The following ZFAND4 variants were observed in gnomAD, a reference collection of about 807,000 sequenced individuals.
ZFAND4 encodes the protein zinc finger AN1-type containing 4.
In ZFAND4, 43 loss-of-function variants were observed where a neutral mutation model predicts 64.4. The ratio of observed to expected loss-of-function variants is 0.67; its 90% CI spans 0.52 to 0.86. The LOEUF (loss-of-function observed/expected upper bound fraction) is 0.86, where lower values mean the gene tolerates loss of function less well. Ranked by LOEUF, ZFAND4 falls within the 40% of genes least tolerant of loss-of-function variation. The pLI is 0.00. For synonymous variants in ZFAND4, 296 were observed against 305.7 expected (o/e 0.97, Z 0.33); for missense variants, 929 against 859.8 (o/e 1.08, Z -1.01).
intron 6 of ZFAND4, among the ~76,000 whole-genome samples, chr10:45,636,908 T>C (rs1167027669): frequency 6.6e-6 from 1 of 152,066 alleles, no homozygotes; most frequent in African/African-American, 2.4e-5. Flanking sequence ...TTTTGCTTCA[T>C]GTATTTTGAA....
At chr10:45,619,090 G>A in intron 8 of ZFAND4, among the ~76,000 whole-genome samples, 1 of 151,352 alleles carries the variant, frequency 6.6e-6, no homozygotes. Flanking sequence ...CCAGGCTGTA[G>A]TGCAGTGGCG....
At chr10:45,652,094 A>C in intron 3 of ZFAND4, 61 bp from the exon 4 acceptor site, 1 of 1,543,696 alleles carries the variant, frequency 6.5e-7, no homozygotes. Flanking sequence ...TTAAATGTAC[A>C]CATAATTATG....
chr10:45,635,487 C>T (rs577809721), intron 6 of ZFAND4, among the ~76,000 whole-genome samples: 55 of 152,104 alleles, frequency 3.6e-4, no homozygotes, highest in Admixed American at 2.8e-3. Context: ...TGAAATTAGA[C>T]CCCTTATCTT....
intron 2 of ZFAND4, among the ~76,000 whole-genome samples, chr10:45,659,661 C>G (rs985112984): frequency 1.3e-5 from 2 of 152,034 alleles, no homozygotes; most frequent in Non-Finnish European, 2.9e-5. Context: ...TGTCAGAGAT[C>G]TTGAAATTAT....
At position 45,670,009 on chromosome 10, in the gene ZFAND4, C is replaced by T. The variant is rs566592287; in HGVS notation, c.-118+2241G>A. Among the ~76,000 whole-genome samples the T allele has an allele frequency of 1.3e-3, 191 of 152,196 alleles. 1 individual carries two copies. The highest frequency in any genetic ancestry group is 4.3e-3 in the African/African-American group (177 of 41,500). ...CCTCTCTCACCACTCCTATTTAACA[C>T]AGTGTTGGAAGTTCTGGCCAGAGCA... On this transcript the variant is annotated intron_variant, in intron 1 of 9. Coordinates refer to ENST00000344646, the MANE Select transcript of ZFAND4 (RefSeq NM_174890.4).
intron 6 of ZFAND4, among the ~76,000 whole-genome samples, chr10:45,631,467 C>T (rs73292822): frequency 0.034 from 5,049 of 150,688 alleles, 277 homozygotes; most frequent in African/African-American, 0.12. Context: ...AAAATTGACC[C>T]TGAAGAGTTA....
At position 45,626,300 on chromosome 10, in the gene ZFAND4, T is replaced by C. The variant is rs1564558944; in HGVS notation, c.1523A>G (p.Gln508Arg). The C allele has an allele frequency of 2.5e-6, 4 of 1,614,068 alleles. No individual in the cohort carries two copies. The highest frequency in any genetic ancestry group is 3.4e-6 in the Non-Finnish European group (4 of 1,180,038). Residue 508 changes from glutamine to arginine, a missense_variant, in exon 7 of 10, where the codon CAG (glutamine) becomes CGG (arginine). Transcript: ENST00000344646. ...AGTTATGTTTTGAACATCCAGTGAC[T>C]GAGAAGAAGAAGGCTGTAGCTTCCC... ...EFGKLQPSSS[Q>R]SLDVQNITDS... is the part of the protein sequence containing the mutation.
At chr10:45,631,552 C>A (rs552741930) in intron 6 of ZFAND4, among the ~76,000 whole-genome samples, 24 of 151,788 alleles carry the variant, frequency 1.6e-4, no homozygotes, top group East Asian at 3.9e-4. Flanking sequence ...GACAAAAAAA[C>A]CAAATCATTT....
chr10:45,624,660 C>T (rs1304151071), intron 7 of ZFAND4, 23 bp from the exon 8 acceptor site: 2 of 1,596,178 alleles, frequency 1.3e-6, no homozygotes, highest in South Asian at 2.2e-5. Context: ...CACAAAACAT[C>T]TATAGAGGTG....
intron 9 of ZFAND4, among the ~76,000 whole-genome samples, chr10:45,617,032 C>G (rs867551028): frequency 1.3e-5 from 2 of 150,164 alleles, no homozygotes; most frequent in Admixed American, 1.3e-4. Context: ...GAGCCAAGAT[C>G]GTGCCACTGC....
chr10:45,641,172 T>G (rs1430851079), intron 5 of ZFAND4, among the ~76,000 whole-genome samples: 1 of 152,242 alleles, frequency 6.6e-6, no homozygotes, highest in Non-Finnish European at 1.5e-5. Flanking sequence ...TTTGATGAAC[T>G]GAACACAAAG....
intron 1 of ZFAND4, among the ~76,000 whole-genome samples, chr10:45,669,611 C>T (rs747697300): frequency 1.3e-5 from 2 of 152,218 alleles, no homozygotes; most frequent in African/African-American, 2.4e-5. Context: ...CCCTGATGAA[C>T]ATCTATGCGA....
At chr10:45,663,054 T>C (rs906383251) in intron 2 of ZFAND4, among the ~76,000 whole-genome samples, 4 of 151,180 alleles carry the variant, frequency 2.6e-5, no homozygotes, top group African/African-American at 9.7e-5. Context: ...CCTGCTATAC[T>C]AAGGGAACTT....
intron 2 of ZFAND4, among the ~76,000 whole-genome samples, chr10:45,660,220 A>C (rs977852138): frequency 5.9e-5 from 9 of 151,748 alleles, no homozygotes; most frequent in Non-Finnish European, 1.3e-4. Context: ...GCACAGTGGT[A>C]TGCACTTGTA....
intron 2 of ZFAND4, among the ~76,000 whole-genome samples, chr10:45,654,495 T>A (rs1169745688): frequency 2.0e-5 from 3 of 151,858 alleles, no homozygotes; most frequent in African/African-American, 4.8e-5. Flanking sequence ...GGCAGGCGCC[T>A]GTAGTAGCAG....
intron 5 of ZFAND4, 154 bp from the exon 6 acceptor site, chr10:45,640,117 A>G: frequency 7.8e-7 from 1 of 1,281,434 alleles, no homozygotes. Context: ...ATTTCAAAGA[A>G]TGTACTTCTT....
At position 45,639,981 on chromosome 10, in the gene ZFAND4, A is replaced by C; in HGVS notation, c.570-18T>G. On this transcript the variant is annotated intron_variant, in intron 5 of 9. Transcript: ENST00000344646. Reference sequence around the variant, plus strand: ...AACCACCACTGCAAAGAAAACAATAACTACTTGAAATTTTTCTGATACCTG... The same window carrying C: ...AACCACCACTGCAAAGAAAACAATACCTACTTGAAATTTTTCTGATACCTG... The C allele has an allele frequency of 6.3e-7, 1 of 1,591,754 alleles. No homozygotes were observed. The highest frequency in any genetic ancestry group is 1.1e-5 in the South Asian group (1 of 87,338).
chr10:45,638,481 A>G (rs1204566351), intron 6 of ZFAND4, among the ~76,000 whole-genome samples: 1 of 152,032 alleles, frequency 6.6e-6, no homozygotes, highest in East Asian at 1.9e-4. Flanking sequence ...CTCTGTCTCA[A>G]AAAAGAAAAA....
rs1390127212 is a variant in ZFAND4, at chr10:45,663,647, T to C, written c.79A>G (p.Thr27Ala). 1 of 1,611,392 alleles carries C rather than the reference T, an allele frequency of 6.2e-7. No individual in the cohort carries two copies. The highest frequency in any genetic ancestry group is 8.5e-7 in the Non-Finnish European group (1 of 1,179,264). Residue 27 changes from threonine to alanine, a missense_variant, in exon 2 of 10, where the codon ACC becomes GCC. By Grantham distance (58) the Thr-to-Ala change is moderately conservative. Transcript: ENST00000344646. ...PFYYRLHFCD[T>A]MELFIETLTG... The stretch of plus-strand genomic sequence containing the variant: ...AATGTTTCAATGAAGAGCTCCATGG[T>C]ATCACAGAAATGAAGTCTGTAGTAA...
Sources: gnomAD v4.1 joint callset for allele counts (sites outside exome capture counted in the v4.1 genomes callset) on GRCh38, gnomAD v4.1.1 for gene constraint, MANE v1.5 for transcripts, NCBI Gene and HGNC (gene_info 2026-07-23, HGNC 2026-07-21) for gene names.